Variants in SRRM2 observed in about 807,000 individuals in gnomAD.
The protein encoded by SRRM2 is serine/arginine repetitive matrix 2.
Under a neutral mutation model 213.8 loss-of-function variants are expected in SRRM2, and 30 were observed. That is an observed-to-expected ratio of 0.14 (90% confidence interval 0.10 to 0.19). The LOEUF is 0.19. SRRM2 is among the 10% of genes least tolerant of loss of function. SRRM2 has a pLI of 1.00. For missense variants in SRRM2, 4,904 were observed against 3,647.0 expected, an observed-to-expected ratio of 1.34 and a Z score of -8.88; for synonymous variants, 2,025 against 1,377.7, an observed-to-expected ratio of 1.47 and a Z score of -10.40.
Position 2,767,026 on chromosome 16 carries a change from C to T in SRRM2, c.6498C>T (p.Asp2166=), listed in dbSNP as rs2068570189. ...ATGGTCCAGGTCCCCGAATACCTGACCACCAGAGAACATCTGTGCCAGAAA... is the reference window on the plus strand; with the variant it reads ...ATGGTCCAGGTCCCCGAATACCTGATCACCAGAGAACATCTGTGCCAGAAA... ...MMDGPGPRIP[D]HQRTSVPENH... Residue 2166 remains aspartate (D), a synonymous_variant, in exon 11 of 15, where the codon GAC becomes GAT. Transcript: ENST00000301740. The T allele has an allele frequency of 3.7e-6, 6 of 1,614,092 alleles. No individual in the cohort carries two copies. The highest frequency in any genetic ancestry group is 4.2e-6 in the Non-Finnish European group (5 of 1,180,044).
intron 3 of SRRM2, 67 bp downstream of exon 3, chr16:2,757,646 T>C: frequency 6.3e-7 from 1 of 1,582,382 alleles, no homozygotes. Flanking sequence ...GCTGCTGTCC[T>C]TTTCCTTACG....
chr16:2,768,121 G>C lies in SRRM2; in HGVS notation c.7593G>C (p.Arg2531=). ...CCCTGCAGCCAGCAAAGGAGCGGCG[G>C]AGTTCCTCCTCGTCGTCGTCGTCCT... is the stretch of plus-strand genomic sequence containing the variant. ...LAALQPAKER[R]SSSSSSSSSS... The change falls in exon 11 of 15, where the codon CGG becomes CGC. Residue 2531 remains arginine, a synonymous_variant. Coordinates refer to ENST00000301740, the MANE Select transcript of SRRM2 (RefSeq NM_016333.4). 1 of 1,614,154 alleles carries C rather than the reference G, an allele frequency of 6.2e-7. No homozygotes were observed. The highest frequency in any genetic ancestry group is 1.7e-5 in the Admixed American group (1 of 60,006).
At chr16:2,755,047 C>T (rs2068091481) in intron 1 of SRRM2, among the ~76,000 whole-genome samples, 1 of 152,226 alleles carries the variant, frequency 6.6e-6, no homozygotes, top group Admixed American at 6.5e-5. Context: ...TCTTTGATTA[C>T]TCTCTCCGCT....
Position 2,762,070 on chromosome 16 carries a change from T to C in SRRM2, c.1542T>C (p.Arg514=). The change falls in exon 11 of 15, where the codon CGT becomes CGC. Residue 514 remains arginine (R), a synonymous_variant. Coordinates refer to ENST00000301740, the MANE Select transcript of SRRM2 (RefSeq NM_016333.4). The part of the protein sequence containing the change: ...GHSRSRSPQW[R]RSRSAQRWGR... ...CTCGATCCCGATCTCCCCAGTGGCG[T>C]AGGTCCAGGTCTGCACAGAGGTGGG... 6.2e-7 allele frequency: 1 copy of C among 1,614,166 alleles called. No homozygotes were observed. Among genetic ancestry groups the C allele is most frequent in the Middle Eastern group, 1.6e-4 (1 of 6,062 alleles).
chr16:2,762,279 C>G lies in SRRM2; in HGVS notation c.1751C>G (p.Ser584Cys). ...AGAACACCAGCCCGCCGGGGCAGGT[C>G]CCGCTCTAGAACACCTGCCAGGCGG... The part of the protein sequence containing the change: ...RSRTPARRGR[S>C]RSRTPARRRS... Residue 584 changes from serine to cysteine, a missense_variant, in exon 11 of 15, where the codon TCC becomes TGC. By Grantham distance (112) the Ser-to-Cys change is moderately radical (BLOSUM62 -1). Transcript: ENST00000301740. The G allele has an allele frequency of 6.2e-7, 1 of 1,614,108 alleles. No individual in the cohort carries two copies. The highest frequency in any genetic ancestry group is 8.5e-7 in the Non-Finnish European group (1 of 1,180,008).
chr16:2,760,451 G>A lies in SRRM2; in HGVS notation c.984G>A (p.Thr328=), dbSNP rs763353556. ...GGCCTAGTAGCCCGGAGACTGCTAC[G>A]AAACAGCCTAGCAGCCCTTATGAAG... ...TQRPSSPETA[T]KQPSSPYEDK... is the part of the protein sequence containing the mutation. Residue 328 remains threonine (T), a synonymous_variant, in exon 10 of 15, where the codon ACG becomes ACA. Transcript: ENST00000301740. 1.8e-5 allele frequency: 29 copies of A among 1,614,082 alleles called. No individual in the cohort carries two copies. The highest frequency in any genetic ancestry group is 2.7e-5 in the African/African-American group (2 of 74,918).
Position 2,757,775 on chromosome 16 carries a change from C to T in SRRM2, c.351-6C>T, listed in dbSNP as rs1228590502. ...TCCTTCAGACTTTTGCCCTTCTTTT[C>T]TCTAGGGTCACGGAGACTCACCAGT... On this transcript the variant is annotated splice_polypyrimidine_tract_variant and splice_region_variant and intron_variant, in intron 3 of 14. Transcript: ENST00000301740. 1.5e-5 allele frequency: 25 copies of T among 1,613,330 alleles called. No homozygotes were observed. Among genetic ancestry groups the T allele is most frequent in the Non-Finnish European group, 1.6e-5 (19 of 1,179,630 alleles).
chr16:2,760,387 A>G lies in SRRM2; in HGVS notation c.920A>G (p.Asp307Gly). ...SPASGRRGEG[D>G]APFSEPGTTS... ...GCTTCAGGGCGACGCGGGGAGGGAG[A>G]TGCGCCTTTCAGTGAACCAGGTACT... Residue 307 changes from aspartate (D) to glycine (G), a missense_variant, in exon 10 of 15, where the codon GAT (aspartate) becomes GGT (glycine). Asp to Gly is a moderately conservative substitution (Grantham distance 94). Coordinates refer to ENST00000301740, the MANE Select transcript of SRRM2 (RefSeq NM_016333.4). 6.2e-7 allele frequency: 1 copy of G among 1,614,070 alleles called. No homozygotes were observed. Among genetic ancestry groups the G allele is most frequent in the East Asian group, 2.2e-5 (1 of 44,884 alleles).
rs774127640 is a variant in SRRM2, at chr16:2,770,412, G to C, written c.8082G>C (p.Ser2694=). Reference sequence around the variant, plus strand: ...GGGACTCTCGGTCCCTCAGCTACTCGCCTGTGGAGCGTCGCCGTCCCTCGC... The same window carrying C: ...GGGACTCTCGGTCCCTCAGCTACTCCCCTGTGGAGCGTCGCCGTCCCTCGC... The part of the protein sequence containing the change: ...SLRDSRSLSY[S]PVERRRPSPQ... Residue 2694 remains serine, a synonymous_variant, in exon 13 of 15, where the codon TCG becomes TCC. Transcript: ENST00000301740. The C allele has an allele frequency of 1.2e-6, 2 of 1,610,952 alleles. No individual in the cohort carries two copies. Among genetic ancestry groups the C allele is most frequent in the East Asian group, 2.2e-5 (1 of 44,822 alleles).
intron 10 of SRRM2, among the ~76,000 whole-genome samples, chr16:2,761,235 G>A (rs908115782): frequency 2.0e-5 from 3 of 152,050 alleles, no homozygotes; most frequent in South Asian, 2.1e-4. Context: ...GTTGCCATTC[G>A]CTTTAGGAAA....
rs1567235899 is a variant in SRRM2, at chr16:2,765,063, C to A, written c.4535C>A (p.Pro1512His). The A allele has an allele frequency of 6.2e-7, 1 of 1,614,102 alleles. No homozygotes were observed. The highest frequency in any genetic ancestry group is 8.5e-7 in the Non-Finnish European group (1 of 1,180,032). ...SPELNNKCLTPQRERSGSESS... is the reference protein window; with the variant it reads ...SPELNNKCLTHQRERSGSESS... ...GAGCTCAACAACAAGTGTCTTACCCCCCAGAGAGAAAGAAGCGGGTCAGAA... is the reference window on the plus strand; with the variant it reads ...GAGCTCAACAACAAGTGTCTTACCCACCAGAGAGAAAGAAGCGGGTCAGAA... Residue 1512 changes from proline to histidine, a missense_variant, in exon 11 of 15, where the codon CCC (proline) becomes CAC (histidine). Physicochemically the swap from Pro to His is moderately conservative, Grantham distance 77. Transcript: ENST00000301740.
intron 1 of SRRM2, among the ~76,000 whole-genome samples, chr16:2,753,268 C>T (rs1434735671): frequency 1.3e-5 from 2 of 152,226 alleles, no homozygotes; most frequent in African/African-American, 2.4e-5. Context: ...GATCTCCTTT[C>T]CTCGGGCTTC....
chr16:2,755,797 G>C (rs762946033), intron 1 of SRRM2, among the ~76,000 whole-genome samples: 4 of 152,128 alleles, frequency 2.6e-5, no homozygotes, highest in Non-Finnish European at 5.9e-5. Context: ...TTTCATATTC[G>C]TATAGGGTGG....
chr16:2,769,544 C>G (rs2068666335), intron 12 of SRRM2: 1 of 645,930 alleles, frequency 1.5e-6, no homozygotes, highest in Non-Finnish European at 2.8e-6. Flanking sequence ...ATAGCCTGTT[C>G]CCAGGGTTCT....
rs1253313025 is a variant in SRRM2 at position 2,767,845 on chromosome 16, T to C, written c.7317T>C (p.Leu2439=). 1.2e-6 allele frequency: 2 copies of C among 1,613,998 alleles called. No individual in the cohort carries two copies. Among genetic ancestry groups the C allele is most frequent in the South Asian group, 1.1e-5 (1 of 91,066 alleles). ...TGGGCCAGGCTCCTTCACAGTCTCTTCTCCCTCCAGCACAGGATCAGCCGA... is the reference window on the plus strand; with the variant it reads ...TGGGCCAGGCTCCTTCACAGTCTCTCCTCCCTCCAGCACAGGATCAGCCGA... ...SRMGQAPSQS[L]LPPAQDQPRS... The change falls in exon 11 of 15, where the codon CTT becomes CTC. Residue 2439 remains leucine, a synonymous_variant. Transcript: ENST00000301740.
chr16:2,768,356 C>G (rs1019679247), intron 11 of SRRM2, 95 bp downstream of exon 11: 1 of 1,399,356 alleles, frequency 7.1e-7, no homozygotes, highest in Admixed American at 2.4e-5. Context: ...AGGTGCTTGG[C>G]TCTTGGAGGA....
chr16:2,768,879 A>C (rs1481729210), intron 11 of SRRM2, 118 bp from the exon 12 acceptor site: 1 of 1,547,508 alleles, frequency 6.5e-7, no homozygotes, highest in Non-Finnish European at 8.7e-7. Context: ...CGTGGCTCGG[A>C]GAGCTCCCAG....
At chr16:2,758,366 T>A in intron 4 of SRRM2, 104 bp from the exon 5 acceptor site, 1 of 1,110,086 alleles carries the variant, frequency 9.0e-7, no homozygotes, top group Non-Finnish European at 1.3e-6. Context: ...GCGAGACTCT[T>A]ATTTTTTTAT....
chr16:2,757,657 T>C, intron 3 of SRRM2, 78 bp downstream of exon 3: 2 of 1,580,266 alleles, frequency 1.3e-6, no homozygotes, highest in Non-Finnish European at 1.7e-6. Context: ...TTTCCTTACG[T>C]GGGACTTCCT....
Sources: allele counts gnomAD v4.1 joint callset (sites outside exome capture counted in the v4.1 genomes callset), GRCh38; gene constraint gnomAD v4.1.1; transcripts MANE v1.5; gene names NCBI Gene and HGNC (gene_info 2026-07-23, HGNC 2026-07-21).